ARID1B: variants seen among roughly 807,000 people sequenced by gnomAD.
ARID1B encodes the protein AT-rich interactive domain-containing protein 1B.
ARID1B carries 30 observed loss-of-function variants against 212.3 expected under a neutral mutation model. The observed-to-expected ratio is 0.14, with a 90% CI of 0.11 to 0.19. The LOEUF is 0.19. Ranked by LOEUF, ARID1B falls within the 10% of genes least tolerant of loss-of-function variation. The pLI, the probability that ARID1B is intolerant of heterozygous loss-of-function variation, is 1.00. For synonymous variants in ARID1B, 1,402 were observed against 1,301.7 expected (o/e 1.08, Z -1.66); for missense variants, 2,891 against 3,204.0 (o/e 0.90, Z 2.36).
chr6:156,916,220 C>T (rs572820541), intron 3 of ARID1B, among the ~76,000 whole-genome samples: 12 of 152,160 alleles, frequency 7.9e-5, no homozygotes, highest in South Asian at 6.2e-4. Context: ...GCTGACACTG[C>T]GGCTCCATGA....
At chr6:156,977,406 C>T (rs565470597) in intron 4 of ARID1B, among the ~76,000 whole-genome samples, 33 of 150,442 alleles carry the variant, frequency 2.2e-4, no homozygotes, top group South Asian at 1.9e-3. Context: ...CAGGCTTATT[C>T]GTTTTCATTT....
intron 15 of ARID1B, chr6:157,193,554 G>A (rs1793528801): frequency 6.6e-6 from 1 of 152,226 alleles, no homozygotes. Context: ...GAGCCAGGCT[G>A]AGAGCTCTGC....
chr6:157,122,434 A>G (rs1237404131), intron 6 of ARID1B, among the ~76,000 whole-genome samples: 1 of 152,230 alleles, frequency 6.6e-6, no homozygotes, highest in Non-Finnish European at 1.5e-5. Context: ...GTCTTTAGCT[A>G]TTAGATATAC....
In ARID1B at chr6:157,103,384, G is replaced by A. The variant is rs148161073; in HGVS notation, c.2492-7088G>A. On this transcript the variant is annotated intron_variant, in intron 5 of 19. Transcript: ENST00000636930. The stretch of plus-strand genomic sequence containing the variant: ...TTGTAGTCAGTTGAGACAATGAACG[G>A]AATTAAATTAAGAACTATGGAAAGT... Among the ~76,000 whole-genome samples, 873 of 152,250 alleles carry A rather than the reference G, an allele frequency of 5.7e-3. 8 individuals are homozygous for A. The highest frequency in any genetic ancestry group is 0.02 in the African/African-American group (836 of 41,552).
At chr6:156,804,346 C>CAA (rs943291491) in intron 1 of ARID1B, among the ~76,000 whole-genome samples, 2 of 130,482 alleles carry the variant, frequency 1.5e-5, no homozygotes, top group African/African-American at 5.7e-5. Context: ...AAAAAAAAAG[C>CAA]AAAAAAAAAA....
chr6:156,812,439 A>T (rs780768270), intron 1 of ARID1B, among the ~76,000 whole-genome samples: 2,308 of 152,278 alleles, frequency 0.015, 25 homozygotes, highest in Non-Finnish European at 0.025. Flanking sequence ...CTCATAGGAC[A>T]GTGGCATTTA....
chr6:157,002,645 A>G (rs1400069724), intron 4 of ARID1B, among the ~76,000 whole-genome samples: 2 of 152,236 alleles, frequency 1.3e-5, no homozygotes, highest in African/African-American at 2.4e-5. Flanking sequence ...GAATTGCTAA[A>G]TAGTTGCTGG....
At chr6:156,792,436 T>A (rs957633565) in intron 1 of ARID1B, among the ~76,000 whole-genome samples, 1 of 152,346 alleles carries the variant, frequency 6.6e-6, no homozygotes, top group East Asian at 1.9e-4. Context: ...AGACTCATCA[T>A]AGTGTAATGA....
At chr6:157,129,378 A>G (rs1391402109) in intron 6 of ARID1B, among the ~76,000 whole-genome samples, 1 of 152,192 alleles carries the variant, frequency 6.6e-6, no homozygotes, top group African/African-American at 2.4e-5. Context: ...CTGCCGTTAG[A>G]TGATGCTGGC....
chr6:156,804,411 CT>C (rs1322538632), intron 1 of ARID1B, among the ~76,000 whole-genome samples: 2 of 151,700 alleles, frequency 1.3e-5, no homozygotes, highest in African/African-American at 4.8e-5. Context: ...ATAAAGAGAG[CT>C]TTATTTACTG....
At chr6:156,860,363 T>A (rs1465409585) in intron 2 of ARID1B, among the ~76,000 whole-genome samples, 3 of 151,644 alleles carry the variant, frequency 2.0e-5, no homozygotes, top group African/African-American at 7.3e-5. Flanking sequence ...TAAAAATTGA[T>A]CTATTTTGGT....
intron 15 of ARID1B, 180 bp from the exon 16 acceptor site, chr6:157,195,985 C>T (rs1211196856): frequency 1.3e-5 from 8 of 624,948 alleles, no homozygotes; most frequent in African/African-American, 3.9e-5. Context: ...CGCCTGAACC[C>T]GGGAGGCAGA....
At chr6:156,934,860 CA>C (rs1299797508) in intron 3 of ARID1B, among the ~76,000 whole-genome samples, 3 of 139,256 alleles carry the variant, frequency 2.2e-5, no homozygotes, top group African/African-American at 5.4e-5. Flanking sequence ...CTTCTTCCTG[CA>C]AAACTCAAAT....
intron 1 of ARID1B, among the ~76,000 whole-genome samples, chr6:156,799,912 C>A (rs541276139): frequency 6.6e-6 from 1 of 152,238 alleles, no homozygotes; most frequent in East Asian, 1.9e-4. Context: ...AATAAGACTC[C>A]CAGCCAGCAG....
At chr6:156,830,734 C>T (rs903900766) in intron 2 of ARID1B, among the ~76,000 whole-genome samples, 1 of 151,560 alleles carries the variant, frequency 6.6e-6, no homozygotes, top group Admixed American at 6.6e-5. Flanking sequence ...TTGAGTCCAG[C>T]CTAGGCAATG....
At chr6:156,788,896 A>G (rs566443173) in intron 1 of ARID1B, among the ~76,000 whole-genome samples, 1 of 152,340 alleles carries the variant, frequency 6.6e-6, no homozygotes, top group East Asian at 1.9e-4. Flanking sequence ...TGCTTAAGAT[A>G]CACAGAGTAA....
chr6:157,185,114 C>T (rs1209835240), intron 13 of ARID1B: 1 of 152,518 alleles, frequency 6.6e-6, no homozygotes, highest in African/African-American at 2.4e-5. Context: ...GGCTCCCTTC[C>T]CTCTCCTCCC....
In ARID1B at chr6:156,843,520, G is replaced by T. The variant is rs566978629; in HGVS notation, c.1986+14099G>T. 1.6e-4 allele frequency among the ~76,000 whole-genome samples: 25 copies of T among 152,208 alleles called. No homozygotes were observed. The East Asian group carries it at 3.5e-3, about 21-fold the overall frequency. ...TGCAAAGAGATATGCTGAGTAGTGC[G>T]CACAGGTAGGGATGTTTACCCTGGG... On this transcript the variant is annotated intron_variant, in intron 2 of 19. Coordinates refer to ENST00000636930, the MANE Select transcript of ARID1B (RefSeq NM_001374828.1).
chr6:157,007,299 TC>T (rs1177128067), intron 4 of ARID1B, among the ~76,000 whole-genome samples: 1 of 152,230 alleles, frequency 6.6e-6, no homozygotes, highest in Non-Finnish European at 1.5e-5. Flanking sequence ...CCCCTAGTTT[TC>T]TAAGTTTTCT....
Sources: allele counts gnomAD v4.1 joint callset (sites outside exome capture counted in the v4.1 genomes callset), GRCh38; gene constraint gnomAD v4.1.1; transcripts MANE v1.5; gene names NCBI Gene and HGNC (gene_info 2026-07-23, HGNC 2026-07-21).